The following LRRFIP1 variants were observed in gnomAD, a reference collection of about 807,000 sequenced individuals.
LRRFIP1 encodes LRR binding FLII interacting protein 1.
Under a neutral mutation model 104.4 loss-of-function variants are expected in LRRFIP1, and 62 were observed. The ratio of observed to expected loss-of-function variants is 0.59; its 90% CI spans 0.48 to 0.73. The LOEUF is 0.73. Among genes scored for constraint, LRRFIP1 ranks in the 30% least tolerant of loss-of-function variants. The pLI is 0.00. For missense variants in LRRFIP1, 796 were observed against 824.5 expected (o/e 0.97, Z 0.42); for synonymous variants, 300 against 299.0 (o/e 1.00, Z -0.03).
At chr2:237,738,705 A>G (rs142730687) in intron 10 of LRRFIP1, among the ~76,000 whole-genome samples, 2 of 152,374 alleles carry the variant, frequency 1.3e-5, no homozygotes, top group East Asian at 1.9e-4. Flanking sequence ...ACAGATGTGT[A>G]CATAGCAACC....
chr2:237,723,525 T>G (rs1242715549), intron 6 of LRRFIP1, 23 bp from the exon 7 acceptor site: 1 of 1,613,642 alleles, frequency 6.2e-7, no homozygotes, highest in East Asian at 2.2e-5. Context: ...TGTTTTTTTT[T>G]TCTGCCATCT....
intron 1 of LRRFIP1, among the ~76,000 whole-genome samples, chr2:237,690,840 G>A (rs761518758): frequency 7.2e-5 from 11 of 152,140 alleles, no homozygotes; most frequent in Admixed American, 3.3e-4. Flanking sequence ...CATTATCTTT[G>A]AAAGTTGCTT....
At chr2:237,699,918 T>C (rs13413057) in intron 1 of LRRFIP1, among the ~76,000 whole-genome samples, 6,336 of 152,262 alleles carry the variant, frequency 0.042, 484 homozygotes, top group African/African-American at 0.15. Context: ...TAGGGAAGGC[T>C]CTTTGTGGTT....
At chr2:237,729,981 TTG>T (rs2094929553) in intron 8 of LRRFIP1, 1 of 239,556 alleles carries the variant, frequency 4.2e-6, no homozygotes, top group Non-Finnish European at 6.7e-6. Flanking sequence ...AGCTGTGTTA[TTG>T]ACGTGAAAAG....
intron 1 of LRRFIP1, chr2:237,683,300 C>A (rs1189362087): frequency 2.0e-5 from 3 of 152,242 alleles, no homozygotes; most frequent in Non-Finnish European, 2.9e-5. Context: ...GTTTAGGGGA[C>A]CACGCCCTCT....
chr2:237,675,705 C>T (rs192439779), intron 1 of LRRFIP1, among the ~76,000 whole-genome samples: 1 of 152,284 alleles, frequency 6.6e-6, no homozygotes, highest in African/African-American at 2.4e-5. Flanking sequence ...AAAAAGAACA[C>T]TGGAAAAGAA....
At chr2:237,681,018 A>T (rs913268798) in intron 1 of LRRFIP1, among the ~76,000 whole-genome samples, 1 of 152,022 alleles carries the variant, frequency 6.6e-6, no homozygotes, top group African/African-American at 2.4e-5. Context: ...AAAAAAAACA[A>T]ATAGACTCCT....
intron 1 of LRRFIP1, among the ~76,000 whole-genome samples, chr2:237,678,862 A>T (rs1398428713): frequency 6.6e-6 from 1 of 152,178 alleles, no homozygotes; most frequent in Non-Finnish European, 1.5e-5. Flanking sequence ...CATTGCACTT[A>T]CATCTCTAGT....
At chr2:237,752,922 G>A (rs886182283) in intron 14 of LRRFIP1, among the ~76,000 whole-genome samples, 18 of 152,274 alleles carry the variant, frequency 1.2e-4, no homozygotes, top group African/African-American at 2.9e-4. Flanking sequence ...CTGGTCACAC[G>A]CCTCGAGTGA....
intron 14 of LRRFIP1, 110 bp downstream of exon 14, chr2:237,751,381 C>T: frequency 1.2e-6 from 1 of 835,282 alleles, no homozygotes. Context: ...TAAATAGGCT[C>T]CAGGGTGTAG....
intron 1 of LRRFIP1, among the ~76,000 whole-genome samples, chr2:237,639,694 A>T (rs1243026456): frequency 6.6e-6 from 1 of 152,222 alleles, no homozygotes; most frequent in African/African-American, 2.4e-5. Context: ...AGATGAGGTG[A>T]TGACCACATG....
chr2:237,642,280 C>T (rs34458087), intron 1 of LRRFIP1, among the ~76,000 whole-genome samples: 89,781 of 152,052 alleles, frequency 0.59, 27,121 homozygotes, highest in African/African-American at 0.72. Context: ...GACTCAGAGG[C>T]CGAGGCCTGG....
chr2:237,769,110 AATG>A (rs1322517645), intron 19 of LRRFIP1: 1 of 152,218 alleles, frequency 6.6e-6, no homozygotes, highest in Non-Finnish European at 1.5e-5. Context: ...GAAACGAGCT[AATG>A]ATGTCGAAGC....
At chr2:237,728,942 A>G (rs768904752) in intron 8 of LRRFIP1, among the ~76,000 whole-genome samples, 2 of 152,112 alleles carry the variant, frequency 1.3e-5, no homozygotes, top group Non-Finnish European at 2.9e-5. Flanking sequence ...TTATTTTTTG[A>G]GACAAAGTCT....
At chr2:237,706,213 C>CGT (rs1269113219) in intron 1 of LRRFIP1, among the ~76,000 whole-genome samples, 1 of 152,060 alleles carries the variant, frequency 6.6e-6, no homozygotes, top group Non-Finnish European at 1.5e-5. Context: ...GTATGCAGGG[C>CGT]GTGTACACCA....
intron 1 of LRRFIP1, among the ~76,000 whole-genome samples, chr2:237,648,210 T>C (rs28452856): frequency 0.13 from 19,636 of 151,840 alleles, 1,973 homozygotes; most frequent in Non-Finnish European, 0.2. Flanking sequence ...CCCTGAGCCC[T>C]AGCCCTTCCC....
intron 1 of LRRFIP1, among the ~76,000 whole-genome samples, chr2:237,694,971 CA>C (rs2093071047): frequency 6.6e-6 from 1 of 152,186 alleles, no homozygotes. Context: ...AGTCCCATCT[CA>C]TTATAGGTAC....
intron 17 of LRRFIP1, among the ~76,000 whole-genome samples, chr2:237,758,303 A>G (rs2059500491): frequency 6.6e-6 from 1 of 152,070 alleles, no homozygotes; most frequent in Non-Finnish European, 1.5e-5. Context: ...GATACCAAGA[A>G]TCAGTGTATA....
intron 1 of LRRFIP1, among the ~76,000 whole-genome samples, chr2:237,689,353 C>T (rs1575494896): frequency 1.3e-5 from 2 of 152,264 alleles, no homozygotes; most frequent in East Asian, 1.9e-4. Context: ...CTGAGACTTC[C>T]ACCTCACAGG....
Sources: gnomAD v4.1 joint callset for allele counts (sites outside exome capture counted in the v4.1 genomes callset) on GRCh38, gnomAD v4.1.1 for gene constraint, MANE v1.5 for transcripts, NCBI Gene and HGNC (gene_info 2026-07-23, HGNC 2026-07-21) for gene names.